GNG7: variants seen among roughly 807,000 people sequenced by gnomAD.
GNG7 encodes guanine nucleotide-binding protein G(I)/G(S)/G(O) subunit gamma-7.
A neutral mutation model predicts 4.0 loss-of-function variants in GNG7; 1 was observed. The ratio of observed to expected loss-of-function variants is 0.25; its 90% CI spans 0.09 to 1.18. The LOEUF is 1.18. GNG7 is among the 50% of genes most tolerant of loss of function. The probability of loss-of-function intolerance (pLI) is 0.50; values close to 1 mark genes in which losing one functional copy is unlikely to be tolerated. For synonymous variants in GNG7, 34 were observed against 36.9 expected, an observed-to-expected ratio of 0.92 and a Z score of 0.29; for missense variants, 86 against 91.9, an observed-to-expected ratio of 0.94 and a Z score of 0.26.
intron 3 of GNG7, among the ~76,000 whole-genome samples, chr19:2,553,813 C>A (rs56104935): frequency 1.4e-5 from 1 of 72,766 alleles, no homozygotes; most frequent in African/African-American, 5.8e-5. Context: ...TGTAATATAT[C>A]ACATACATGT....
intron 2 of GNG7, among the ~76,000 whole-genome samples, chr19:2,612,708 T>A (rs1239269510): frequency 2.2e-5 from 3 of 138,746 alleles, no homozygotes; most frequent in Non-Finnish European, 4.5e-5. Context: ...TTTTGAGAAA[T>A]TTTTTTTTTT....
intron 1 of GNG7, among the ~76,000 whole-genome samples, chr19:2,688,010 TG>T (rs1394802788): frequency 6.6e-6 from 1 of 151,922 alleles, no homozygotes; most frequent in African/African-American, 2.4e-5. Flanking sequence ...CCCAGCACTT[TG>T]GGAGGCCGAG....
intron 2 of GNG7, among the ~76,000 whole-genome samples, chr19:2,573,583 G>A (rs144297537): frequency 0.076 from 11,598 of 151,992 alleles, 734 homozygotes; most frequent in African/African-American, 0.17. Flanking sequence ...TTCGGAGGCC[G>A]AGGCGGGCAG....
At chr19:2,659,824 A>T (rs1983102143) in intron 1 of GNG7, among the ~76,000 whole-genome samples, 1 of 151,886 alleles carries the variant, frequency 6.6e-6, no homozygotes, top group African/African-American at 2.4e-5. Flanking sequence ...CCCACTTTAG[A>T]CAACATGATC....
Position 2,512,507 on chromosome 19 carries a change from G to T in GNG7, c.*2515C>A. The T allele has an allele frequency of 3.1e-6, 1 of 324,802 alleles. No homozygotes were observed. The highest frequency in any genetic ancestry group is 4.4e-6 in the Non-Finnish European group (1 of 226,038). 20.1% of individuals were successfully genotyped at this position (324,802 alleles called of 1,614,324 possible). On this transcript the variant is annotated 3_prime_UTR_variant, in exon 5 of 5. Coordinates refer to ENST00000382159, the MANE Select transcript of GNG7 (RefSeq NM_052847.3). This position sits in a 1 kb window ranked among gnomAD's most constrained non-coding sequence, Gnocchi z 4.7. ...CCTGTGGACAGTGAAGGAGAGGCCA[G>T]CCTGTCCTTCCCCTCCCCGAGCCTC...
intron 2 of GNG7, among the ~76,000 whole-genome samples, chr19:2,597,766 G>T (rs908287632): frequency 6.6e-5 from 10 of 150,704 alleles, no homozygotes; most frequent in African/African-American, 2.4e-4. Context: ...CGTGGTGGCG[G>T]GCGCCTGTAG....
intron 2 of GNG7, among the ~76,000 whole-genome samples, chr19:2,568,264 T>G (rs193146788): frequency 1.4e-4 from 19 of 140,572 alleles, no homozygotes; most frequent in Admixed American, 4.3e-4. Flanking sequence ...TACACACATA[T>G]AGAGACACAT....
intron 2 of GNG7, among the ~76,000 whole-genome samples, chr19:2,556,779 G>A (rs1486763667): frequency 6.6e-6 from 1 of 152,142 alleles, no homozygotes; most frequent in East Asian, 1.9e-4. Context: ...CAGCAATACG[G>A]ACACCAGCGC....
At chr19:2,532,734 T>G (rs2144739143) in intron 3 of GNG7, among the ~76,000 whole-genome samples, 1 of 152,210 alleles carries the variant, frequency 6.6e-6, no homozygotes, top group Middle Eastern at 3.4e-3. Flanking sequence ...TGAATTAAAG[T>G]CATCAAGAGA....
intron 1 of GNG7, among the ~76,000 whole-genome samples, chr19:2,684,490 A>ACATC (rs1159278916): frequency 2.0e-5 from 3 of 151,932 alleles, no homozygotes; most frequent in Non-Finnish European, 4.4e-5. Context: ...GTGACCCTGG[A>ACATC]CGGATGCACG....
rs1982305610 is a variant in GNG7 at position 2,636,273 on chromosome 19, A to T, written c.-78+9951T>A. ...AACCAGCTCTCTACTGCCTTCACTC[A>T]GGGGCGCACGAGTCTCTAACTCACA... On this transcript the variant is annotated intron_variant, in intron 2 of 4. Transcript: ENST00000382159. Among the ~76,000 whole-genome samples, 3 of 152,206 alleles carry T rather than the reference A, an allele frequency of 2.0e-5. No homozygotes were observed. The South Asian group carries it at 6.2e-4, about 32-fold the overall frequency.
At chr19:2,659,572 A>G (rs1212076424) in intron 1 of GNG7, among the ~76,000 whole-genome samples, 10 of 126,474 alleles carry the variant, frequency 7.9e-5, no homozygotes, top group African/African-American at 2.9e-4. Context: ...CCTGGGAAAT[A>G]GAGGAGTGAG....
At chr19:2,554,711 T>C (rs1439213294) in intron 3 of GNG7, among the ~76,000 whole-genome samples, 2 of 151,898 alleles carry the variant, frequency 1.3e-5, no homozygotes, top group African/African-American at 4.8e-5. Context: ...CCTGCCACCA[T>C]GCCCTGCTAA....
chr19:2,520,442 G>A (rs1978301832), intron 4 of GNG7, among the ~76,000 whole-genome samples, 166 bp downstream of exon 4: 1 of 152,146 alleles, frequency 6.6e-6, no homozygotes, highest in Non-Finnish European at 1.5e-5. Flanking sequence ...GCCTCTTTCT[G>A]CCGAGGAAAT....
chr19:2,605,441 C>T (rs1981348207), intron 2 of GNG7, among the ~76,000 whole-genome samples: 1 of 150,970 alleles, frequency 6.6e-6, no homozygotes, highest in Non-Finnish European at 1.5e-5. Context: ...TCAAGTGATC[C>T]TCCTGCCTCA....
At chr19:2,547,407 G>A (rs999884104) in intron 3 of GNG7, among the ~76,000 whole-genome samples, 20 of 151,996 alleles carry the variant, frequency 1.3e-4, no homozygotes, top group South Asian at 8.3e-4. Flanking sequence ...CCCTCGGCTC[G>A]GGACCCTTCC....
intron 2 of GNG7, among the ~76,000 whole-genome samples, chr19:2,559,584 G>A (rs1488551955): frequency 1.3e-5 from 2 of 151,572 alleles, no homozygotes; most frequent in Non-Finnish European, 2.9e-5. Context: ...GGTGGATGTC[G>A]GCTCACTGCA....
intron 1 of GNG7, among the ~76,000 whole-genome samples, chr19:2,682,218 T>C (rs1983756657): frequency 6.6e-6 from 1 of 151,980 alleles, no homozygotes. Flanking sequence ...CTGAAGCTGA[T>C]AGTTTTTAAC....
intron 1 of GNG7, among the ~76,000 whole-genome samples, chr19:2,673,266 AAC>A (rs1359350010): frequency 6.0e-4 from 76 of 126,732 alleles, no homozygotes; most frequent in African/African-American, 9.6e-4. Flanking sequence ...TCAAAAAAAA[AAC>A]AAAACAAAAC....
Sources: allele counts gnomAD v4.1 joint callset (sites outside exome capture counted in the v4.1 genomes callset), GRCh38; gene constraint gnomAD v4.1.1; non-coding constraint Gnocchi (gnomAD v3.1); transcripts MANE v1.5; gene names NCBI Gene and HGNC (gene_info 2026-07-23, HGNC 2026-07-21).